Variants in NLGN1 observed in about 807,000 individuals in gnomAD.
NLGN1 encodes the protein neuroligin 1.
NLGN1 carries 12 observed loss-of-function variants against 65.5 expected under a neutral mutation model. The observed-to-expected ratio is 0.18, with a 90% CI of 0.12 to 0.30. The LOEUF is 0.30. NLGN1 is among the 10% of genes least tolerant of loss of function. The pLI is 1.00. For synonymous variants in NLGN1, 350 were observed against 359.5 expected, an observed-to-expected ratio of 0.97 and a Z score of 0.30; for missense variants, 750 against 1,007.1, an observed-to-expected ratio of 0.74 and a Z score of 3.46.
At chr3:174,107,051 G>GAA (rs1714087624) in intron 4 of NLGN1, among the ~76,000 whole-genome samples, 1 of 144,206 alleles carries the variant, frequency 6.9e-6, no homozygotes, top group African/African-American at 2.7e-5. Flanking sequence ...GAGAGAGAGA[G>GAA]AAATAACTCT....
chr3:173,694,745 A>G (rs1229799245), intron 3 of NLGN1, among the ~76,000 whole-genome samples: 1 of 152,186 alleles, frequency 6.6e-6, no homozygotes, highest in African/African-American at 2.4e-5. Flanking sequence ...CTTCTATGCA[A>G]TGGTCCTGAT....
intron 2 of NLGN1, among the ~76,000 whole-genome samples, chr3:173,538,953 T>C (rs1425783273): frequency 6.6e-6 from 1 of 151,664 alleles, no homozygotes; most frequent in Non-Finnish European, 1.5e-5. Flanking sequence ...TTTCCAATCA[T>C]GTTTCTTCCA....
chr3:174,065,881 C>T (rs1209806171), intron 4 of NLGN1, among the ~76,000 whole-genome samples: 2 of 152,072 alleles, frequency 1.3e-5, no homozygotes, highest in South Asian at 2.1e-4. Context: ...CGGCAAGAAA[C>T]GAGACCCTCA....
At chr3:173,649,404 T>G (rs1298276125) in intron 3 of NLGN1, among the ~76,000 whole-genome samples, 1 of 152,168 alleles carries the variant, frequency 6.6e-6, no homozygotes, top group Non-Finnish European at 1.5e-5. Flanking sequence ...CTATTACATA[T>G]ACATGTCATA....
At chr3:173,685,604 A>C in intron 3 of NLGN1, 1 of 975,586 alleles carries the variant, frequency 1.0e-6, no homozygotes, top group Non-Finnish European at 1.2e-6. Flanking sequence ...TTCAGTTATC[A>C]GAGATAGGCT....
chr3:173,940,457 G>C (rs1463989999), intron 4 of NLGN1, among the ~76,000 whole-genome samples: 1 of 152,012 alleles, frequency 6.6e-6, no homozygotes, highest in East Asian at 1.9e-4. Flanking sequence ...GGAAATAATG[G>C]AACTCTTTAA....
chr3:174,077,064 T>C (rs551217823), intron 4 of NLGN1, among the ~76,000 whole-genome samples: 5 of 152,292 alleles, frequency 3.3e-5, no homozygotes, highest in African/African-American at 1.2e-4. Flanking sequence ...TAACTGGACA[T>C]TTAAAACTGA....
Position 173,957,887 on chromosome 3 carries a change from C to G in NLGN1, c.646+150055C>G, listed in dbSNP as rs186907590. On this transcript the variant is annotated intron_variant, in intron 4 of 6. Transcript: ENST00000457714. ...TCAGCTTGTGCTACTGGCCTGGATC[C>G]CACACCTGCCAAGATGAGTTAAGTG... 5.8e-4 allele frequency among the ~76,000 whole-genome samples: 88 copies of G among 152,288 alleles called. 2 individuals are homozygous for G. The East Asian group carries it at 0.015, about 25-fold the overall frequency.
At chr3:174,131,224 CAAT>C (rs1720112107) in intron 4 of NLGN1, among the ~76,000 whole-genome samples, 1 of 152,050 alleles carries the variant, frequency 6.6e-6, no homozygotes, top group Admixed American at 6.5e-5. Flanking sequence ...GTATTAATAG[CAAT>C]AATAAGTAAC....
intron 4 of NLGN1, among the ~76,000 whole-genome samples, chr3:173,936,853 GAATTGAC>G (rs1560674108): frequency 6.6e-6 from 1 of 151,888 alleles, no homozygotes; most frequent in East Asian, 1.9e-4. Flanking sequence ...AGAGAATTTT[GAATTGAC>G]AGTGGTTTTA....
chr3:174,021,996 A>G (rs1214313663), intron 4 of NLGN1, among the ~76,000 whole-genome samples: 2 of 152,080 alleles, frequency 1.3e-5, no homozygotes, highest in African/African-American at 2.4e-5. Context: ...ATCTGAGAAG[A>G]GGGTTCAGTT....
At chr3:173,557,166 T>G (rs1741845204) in intron 2 of NLGN1, among the ~76,000 whole-genome samples, 1 of 152,166 alleles carries the variant, frequency 6.6e-6, no homozygotes, top group South Asian at 2.1e-4. Flanking sequence ...CATATTCAGT[T>G]GTCATGTCTT....
chr3:173,941,291 C>T (rs1746042410), intron 4 of NLGN1, among the ~76,000 whole-genome samples: 1 of 152,020 alleles, frequency 6.6e-6, no homozygotes, highest in Non-Finnish European at 1.5e-5. Context: ...TTCATTTTCA[C>T]AACACGTGAC....
chr3:174,205,613 T>C (rs930717540), intron 4 of NLGN1, among the ~76,000 whole-genome samples: 1 of 152,210 alleles, frequency 6.6e-6, no homozygotes, highest in Non-Finnish European at 1.5e-5. Flanking sequence ...ATATAGACAT[T>C]TGTAAGTTAT....
chr3:174,225,966 G>A (rs1157947051), intron 4 of NLGN1, among the ~76,000 whole-genome samples: 2 of 151,982 alleles, frequency 1.3e-5, no homozygotes, highest in African/African-American at 4.8e-5. Flanking sequence ...ATAGCAGAAA[G>A]ATCTAATTTT....
chr3:174,085,970 G>C (rs1344868174), intron 4 of NLGN1, among the ~76,000 whole-genome samples: 1 of 151,876 alleles, frequency 6.6e-6, no homozygotes, highest in Non-Finnish European at 1.5e-5. Context: ...TTACAATGAT[G>C]ATTGTCAATG....
chr3:173,841,448 G>C (rs527897939), intron 4 of NLGN1, among the ~76,000 whole-genome samples: 1 of 152,296 alleles, frequency 6.6e-6, no homozygotes, highest in Admixed American at 6.5e-5. Flanking sequence ...AGGGGGAACA[G>C]AGGATGAATT....
At chr3:173,747,941 G>A (rs1334793071) in intron 3 of NLGN1, among the ~76,000 whole-genome samples, 1 of 149,828 alleles carries the variant, frequency 6.7e-6, no homozygotes, top group Non-Finnish European at 1.5e-5. Flanking sequence ...AGCCTCTTGA[G>A]TAGCTGGGAT....
At chr3:173,422,076 GAT>G (rs67338411) in intron 1 of NLGN1, among the ~76,000 whole-genome samples, 43,007 of 151,498 alleles carry the variant, frequency 0.28, 6,302 homozygotes, top group Middle Eastern at 0.41. Flanking sequence ...CACTTATCAT[GAT>G]ATATATATGT....
Sources: gnomAD v4.1 joint callset for allele counts (sites outside exome capture counted in the v4.1 genomes callset) on GRCh38, gnomAD v4.1.1 for gene constraint, MANE v1.5 for transcripts, NCBI Gene and HGNC (gene_info 2026-07-23, HGNC 2026-07-21) for gene names.